The following MTUS2 variants were observed in gnomAD, a reference collection of about 807,000 sequenced individuals.
MTUS2 encodes the protein microtubule-associated tumor suppressor candidate 2.
Under a neutral mutation model 114.1 loss-of-function variants are expected in MTUS2, and 40 were observed. That is an observed-to-expected ratio of 0.35 (90% CI 0.27 to 0.46). MTUS2 has a LOEUF of 0.46. MTUS2 is among the 20% of genes least tolerant of loss of function. The pLI is 1.00. For synonymous variants in MTUS2, 688 were observed against 672.0 expected (o/e 1.02, Z -0.37); for missense variants, 1,679 against 1,705.4 (o/e 0.98, Z 0.27).
chr13:29,120,574 A>G (rs1256162037), intron 5 of MTUS2, among the ~76,000 whole-genome samples: 2 of 152,140 alleles, frequency 1.3e-5, no homozygotes, highest in African/African-American at 2.4e-5. Context: ...AGCATGAAGT[A>G]AGAAAAGAAA....
chr13:29,204,372 T>G (rs12585548), intron 5 of MTUS2, among the ~76,000 whole-genome samples: 125,376 of 152,214 alleles, frequency 0.82, 51,733 homozygotes, highest in East Asian at 0.89. Flanking sequence ...TGGGCCGGGG[T>G]TGCCAAGCCT....
At chr13:29,208,366 C>A (rs2139270400) in intron 5 of MTUS2, among the ~76,000 whole-genome samples, 1 of 152,024 alleles carries the variant, frequency 6.6e-6, no homozygotes, top group Non-Finnish European at 1.5e-5. Flanking sequence ...TTTTGTTTAT[C>A]TTTTCAAAGA....
At chr13:29,083,274 G>A (rs1889526704) in intron 4 of MTUS2, among the ~76,000 whole-genome samples, 1 of 152,176 alleles carries the variant, frequency 6.6e-6, no homozygotes, top group Non-Finnish European at 1.5e-5. Flanking sequence ...GAACGAGTGT[G>A]TCGAATGTCG....
Position 29,480,045 on chromosome 13 carries a change from G to T in MTUS2, c.3185-105G>T. ...AGCCCTGCAGAAGTCAGAGGACCTC[G>T]CCCTGTTTATTACGCCAGCCTTGAT... On this transcript the variant is annotated intron_variant, in intron 9 of 15. Transcript: ENST00000612955. This position sits in a 1 kb window ranked among gnomAD's most constrained non-coding sequence, Gnocchi z 4.4. The T allele has an allele frequency of 8.7e-7, 1 of 1,153,746 alleles. No individual in the cohort carries two copies. Among genetic ancestry groups the T allele is most frequent in the Non-Finnish European group, 1.2e-6 (1 of 808,812 alleles). The allele number at this position is 1,153,746 out of a possible 1,614,324, so 71.5% of individuals were successfully genotyped here.
chr13:29,093,909 T>C (rs901703242), intron 4 of MTUS2, among the ~76,000 whole-genome samples: 3 of 152,172 alleles, frequency 2.0e-5, no homozygotes, highest in South Asian at 4.1e-4. Context: ...AGATTGAATA[T>C]ATTTTCTTTA....
In MTUS2 at chr13:29,384,110, A is replaced by G. The variant is rs531287326; in HGVS notation, c.3117+24637A>G. On this transcript the variant is annotated intron_variant, in intron 8 of 15. Coordinates refer to ENST00000612955, the MANE Select transcript of MTUS2 (RefSeq NM_001033602.4). Reference sequence around the variant, plus strand: ...CCCCAAAGGGAGAAAAAAAATCTGTAGTTATTTATAAAATACTCTATTTCT... The same window carrying G: ...CCCCAAAGGGAGAAAAAAAATCTGTGGTTATTTATAAAATACTCTATTTCT... 5.3e-5 allele frequency among the ~76,000 whole-genome samples: 8 copies of G among 152,358 alleles called. No individual in the cohort carries two copies. The South Asian group carries it at 1.0e-3, about 20-fold the overall frequency.
intron 6 of MTUS2, among the ~76,000 whole-genome samples, chr13:29,283,128 T>G (rs1898341929): frequency 6.6e-6 from 1 of 152,196 alleles, no homozygotes; most frequent in Admixed American, 6.5e-5. Context: ...GGAATAGGTG[T>G]TATCCCTTTC....
At chr13:29,126,716 A>G (rs917359211) in intron 5 of MTUS2, among the ~76,000 whole-genome samples, 2 of 152,022 alleles carry the variant, frequency 1.3e-5, no homozygotes, top group African/African-American at 4.8e-5. Flanking sequence ...AATGTGGCCC[A>G]GGGAAGCTAC....
In MTUS2 at chr13:29,503,046, A is replaced by T; in HGVS notation, c.3950A>T (p.Gln1317Leu). The T allele has an allele frequency of 6.2e-7, 1 of 1,614,230 alleles. No homozygotes were observed. The highest frequency in any genetic ancestry group is 1.1e-5 in the South Asian group (1 of 91,086). Residue 1317 changes from glutamine (Q) to leucine (L), a missense_variant, in exon 16 of 16, where the codon CAG becomes CTG. Transcript: ENST00000612955. ...CAGGAATATGTTGAGAAGGAAACCC[A>T]GGAGAAGAAGAGATTGAGCCGAACC... is the stretch of plus-strand genomic sequence containing the variant. Reference protein sequence around the residue: ...NLQEYVEKETQEKKRLSRTNE... With the variant: ...NLQEYVEKETLEKKRLSRTNE...
intron 5 of MTUS2, among the ~76,000 whole-genome samples, chr13:29,267,128 T>TA (rs1897695341): frequency 6.6e-6 from 1 of 151,998 alleles, no homozygotes; most frequent in African/African-American, 2.4e-5. Context: ...AGAGGGGGGA[T>TA]TTATATGTGA....
chr13:29,371,970 A>AC (rs1197762029), intron 8 of MTUS2, among the ~76,000 whole-genome samples: 445 of 11,318 alleles, frequency 0.039, 7 homozygotes, highest in Non-Finnish European at 0.076. Context: ...AGTGTCCTCA[A>AC]CCCCCGCCCC....
At chr13:29,500,792 A>AACACACACACACACACACAC (rs3066073) in intron 14 of MTUS2, among the ~76,000 whole-genome samples, 2 of 144,278 alleles carry the variant, frequency 1.4e-5, no homozygotes, top group Non-Finnish European at 3.0e-5. Flanking sequence ...TTACATCAGA[A>AACACACACACACACACACAC]ACACACACAC....
intron 5 of MTUS2, among the ~76,000 whole-genome samples, chr13:29,258,825 G>A (rs1439276621): frequency 6.6e-6 from 1 of 152,138 alleles, no homozygotes; most frequent in Non-Finnish European, 1.5e-5. Context: ...GTGTCTCACT[G>A]TTCAGGGTGG....
chr13:29,498,581 C>G (rs946427654), intron 14 of MTUS2, 44 bp downstream of exon 14: 2 of 1,610,814 alleles, frequency 1.2e-6, no homozygotes, highest in Non-Finnish European at 8.5e-7. Context: ...CCATGACATT[C>G]CTGCTGTCAT....
chr13:28,896,934 G>A (rs1232373239), intron 2 of MTUS2, among the ~76,000 whole-genome samples: 2 of 152,094 alleles, frequency 1.3e-5, no homozygotes, highest in African/African-American at 4.8e-5. Flanking sequence ...TGTTAGACCT[G>A]AAACCATAAA....
Position 29,304,047 on chromosome 13 carries a change from A to G in MTUS2, c.2807-20566A>G, listed in dbSNP as rs138616304. ...AGATCTGGCCAAACTAAGTTTCATA[A>G]GTGAAGGAGAACTAAGATCCTTTAC... On this transcript the variant is annotated intron_variant, in intron 6 of 15. Coordinates refer to ENST00000612955, the MANE Select transcript of MTUS2 (RefSeq NM_001033602.4). 3.0e-3 allele frequency among the ~76,000 whole-genome samples: 464 copies of G among 152,292 alleles called. 1 individual carries two copies. Among genetic ancestry groups the G allele is most frequent in the African/African-American group, 8.3e-3 (344 of 41,564 alleles).
At chr13:28,958,814 C>A (rs966004255) in intron 2 of MTUS2, among the ~76,000 whole-genome samples, 5 of 152,164 alleles carry the variant, frequency 3.3e-5, no homozygotes, top group Non-Finnish European at 5.9e-5. Flanking sequence ...AGCTTGTCAG[C>A]AAGGTTAAAT....
intron 5 of MTUS2, among the ~76,000 whole-genome samples, chr13:29,153,387 ACTCT>A (rs1004207035): frequency 3.3e-5 from 5 of 151,904 alleles, no homozygotes; most frequent in African/African-American, 1.2e-4. Flanking sequence ...AGCGAATTCT[ACTCT>A]CTCCTTCTCC....
chr13:28,942,323 A>C (rs1202552448), intron 2 of MTUS2, among the ~76,000 whole-genome samples: 1 of 152,172 alleles, frequency 6.6e-6, no homozygotes, highest in Non-Finnish European at 1.5e-5. Flanking sequence ...AATTAAAAAG[A>C]TGAAAATAGC....
Sources: gnomAD v4.1 joint callset for allele counts (sites outside exome capture counted in the v4.1 genomes callset) on GRCh38, gnomAD v4.1.1 for gene constraint, Gnocchi (gnomAD v3.1) non-coding constraint, MANE v1.5 for transcripts, NCBI Gene and HGNC (gene_info 2026-07-23, HGNC 2026-07-21) for gene names.